Variants in NXPH1 observed in about 807,000 individuals in gnomAD.
NXPH1 encodes neurexophilin-1.
In NXPH1, 5 loss-of-function variants were observed where a neutral mutation model predicts 23.7. The ratio of observed to expected loss-of-function variants is 0.21; its 90% CI spans 0.11 to 0.44. The LOEUF is 0.44. NXPH1 is among the 20% of genes least tolerant of loss of function. The probability of loss-of-function intolerance (pLI) is 0.99; values close to 1 mark genes in which losing one functional copy is unlikely to be tolerated. For missense variants in NXPH1, 324 were observed against 321.6 expected, an observed-to-expected ratio of 1.01 and a Z score of -0.06; for synonymous variants, 144 against 122.2, an observed-to-expected ratio of 1.18 and a Z score of -1.18.
At chr7:8,499,976 T>C (rs1421921213) in intron 2 of NXPH1, among the ~76,000 whole-genome samples, 1 of 152,138 alleles carries the variant, frequency 6.6e-6, no homozygotes, top group Non-Finnish European at 1.5e-5. Flanking sequence ...CCTTTATGGT[T>C]TGTTTTGTAT....
chr7:8,504,195 G>C (rs1817484916), intron 2 of NXPH1, among the ~76,000 whole-genome samples: 1 of 151,968 alleles, frequency 6.6e-6, no homozygotes, highest in Admixed American at 6.6e-5. Context: ...TGAAGCTCTA[G>C]AATGCTATAT....
At chr7:8,465,069 G>A (rs1326218445) in intron 2 of NXPH1, among the ~76,000 whole-genome samples, 1 of 152,140 alleles carries the variant, frequency 6.6e-6, no homozygotes, top group Non-Finnish European at 1.5e-5. Context: ...CCAGGACTTG[G>A]GAAGGAGAAC....
At chr7:8,465,288 C>T (rs1057058647) in intron 2 of NXPH1, among the ~76,000 whole-genome samples, 1 of 152,168 alleles carries the variant, frequency 6.6e-6, no homozygotes, top group Non-Finnish European at 1.5e-5. Flanking sequence ...TCTGTTATAG[C>T]CCCCTTTCAG....
intron 2 of NXPH1, among the ~76,000 whole-genome samples, chr7:8,560,388 C>G (rs926334900): frequency 6.6e-6 from 1 of 151,690 alleles, no homozygotes; most frequent in Non-Finnish European, 1.5e-5. Context: ...AGAAAAAAGG[C>G]AGTGTGATCT....
At chr7:8,746,346 G>A (rs2115232309) in intron 2 of NXPH1, among the ~76,000 whole-genome samples, 1 of 152,324 alleles carries the variant, frequency 6.6e-6, no homozygotes, top group Non-Finnish European at 1.5e-5. Context: ...GATTACAGCT[G>A]AAACCTGCTT....
intron 2 of NXPH1, among the ~76,000 whole-genome samples, chr7:8,443,671 G>C (rs1816346344): frequency 6.6e-6 from 1 of 152,208 alleles, no homozygotes; most frequent in African/African-American, 2.4e-5. Flanking sequence ...CAGGGAAATC[G>C]ATATATTTGC....
At chr7:8,510,579 G>T (rs1817595063) in intron 2 of NXPH1, among the ~76,000 whole-genome samples, 1 of 152,054 alleles carries the variant, frequency 6.6e-6, no homozygotes, top group African/African-American at 2.4e-5. Flanking sequence ...GGTGACTGAA[G>T]GAATATTATA....
Position 8,655,496 on chromosome 7 carries a change from T to TCA in NXPH1, c.55-95508_55-95507dup, listed in dbSNP as rs1169353379. On this transcript the variant is annotated intron_variant, in intron 2 of 2. Coordinates refer to ENST00000405863, the MANE Select transcript of NXPH1 (RefSeq NM_152745.3). Reference sequence around the variant, plus strand: ...CACACACACACATCAGATATGTCCATCACACGCACACACACACACGCACAC... The same window carrying TCA: ...CACACACACACATCAGATATGTCCATCACACACGCACACACACACACGCACAC... Among the ~76,000 whole-genome samples, 23 of 136,596 alleles carry TCA rather than the reference T, an allele frequency of 1.7e-4. 3 individuals carry two copies. Among genetic ancestry groups the TCA allele is most frequent in the African/African-American group, 5.8e-4 (21 of 36,110 alleles). The allele number at this position is 136,596 out of a possible 152,430, so 89.6% of individuals were successfully genotyped here.
intron 2 of NXPH1, among the ~76,000 whole-genome samples, chr7:8,515,995 C>T (rs73233611): frequency 6.6e-6 from 1 of 152,196 alleles, no homozygotes; most frequent in African/African-American, 2.4e-5. Context: ...GTGCATGCAC[C>T]AACTTCTGTC....
chr7:8,728,251 G>T (rs1486255248), intron 2 of NXPH1, among the ~76,000 whole-genome samples: 1 of 152,090 alleles, frequency 6.6e-6, no homozygotes, highest in African/African-American at 2.4e-5. Context: ...GAGACAATGG[G>T]GTTTCCTAGA....
At chr7:8,605,805 G>C (rs932728563) in intron 2 of NXPH1, among the ~76,000 whole-genome samples, 1 of 152,084 alleles carries the variant, frequency 6.6e-6, no homozygotes, top group Non-Finnish European at 1.5e-5. Context: ...GGCATCAGAA[G>C]GGGCTGTGTG....
chr7:8,701,776 A>C (rs1309786748), intron 2 of NXPH1, among the ~76,000 whole-genome samples: 1 of 152,094 alleles, frequency 6.6e-6, no homozygotes, highest in Non-Finnish European at 1.5e-5. Context: ...ATAAGTGCTC[A>C]TTTACTTTAG....
chr7:8,559,471 AATAAAAATATAAATT>A (rs1818408022), intron 2 of NXPH1, among the ~76,000 whole-genome samples: 1 of 151,726 alleles, frequency 6.6e-6, no homozygotes, highest in South Asian at 2.1e-4. Flanking sequence ...GCCCAAATTT[AATAAAAATATAAATT>A]CTTTTGGTTC....
intron 2 of NXPH1, among the ~76,000 whole-genome samples, chr7:8,560,168 A>C (rs926425963): frequency 9.2e-5 from 14 of 151,766 alleles, no homozygotes; most frequent in Non-Finnish European, 1.5e-5. Flanking sequence ...TAGGATAGTC[A>C]GGTCATATAA....
intron 2 of NXPH1, among the ~76,000 whole-genome samples, chr7:8,667,944 C>T (rs1820800943): frequency 6.6e-6 from 1 of 151,172 alleles, no homozygotes. Flanking sequence ...CAGATTCTTT[C>T]TTCTGCTTTG....
intron 2 of NXPH1, among the ~76,000 whole-genome samples, chr7:8,588,405 G>A (rs1288714231): frequency 2.6e-5 from 4 of 152,058 alleles, no homozygotes; most frequent in African/African-American, 7.2e-5. Context: ...AACTGCACTG[G>A]GATATCTGAT....
At chr7:8,727,413 A>G (rs991871619) in intron 2 of NXPH1, among the ~76,000 whole-genome samples, 5 of 141,474 alleles carry the variant, frequency 3.5e-5, no homozygotes, top group African/African-American at 1.4e-4. Context: ...GTCCTTGCCC[A>G]TGCCTATGTC....
chr7:8,681,912 A>G (rs1188379140), intron 2 of NXPH1, among the ~76,000 whole-genome samples: 6 of 152,174 alleles, frequency 3.9e-5, no homozygotes, highest in Non-Finnish European at 8.8e-5. Context: ...AGTGAAACTG[A>G]GCTTTGCCCC....
intron 2 of NXPH1, among the ~76,000 whole-genome samples, chr7:8,437,543 T>C (rs917646481): frequency 3.3e-5 from 5 of 152,214 alleles, no homozygotes; most frequent in African/African-American, 4.8e-5. Context: ...GGCTTGTGGC[T>C]ATGGTGCAGT....
Sources: gnomAD v4.1 joint callset for allele counts (sites outside exome capture counted in the v4.1 genomes callset) on GRCh38, gnomAD v4.1.1 for gene constraint, MANE v1.5 for transcripts, NCBI Gene and HGNC (gene_info 2026-07-23, HGNC 2026-07-21) for gene names.